MAOA: variants seen among roughly 807,000 people sequenced by gnomAD.
The protein encoded by MAOA is monoamine oxidase A.
A neutral mutation model predicts 42.0 loss-of-function variants in MAOA; 6 were observed. The observed-to-expected ratio is 0.14, with a 90% confidence interval of 0.08 to 0.28. The LOEUF is 0.28. MAOA is among the 10% of genes least tolerant of loss of function. The pLI is 1.00. For synonymous variants in MAOA, 140 were observed against 154.0 expected (o/e 0.91, Z 0.67); for missense variants, 262 against 422.3 (o/e 0.62, Z 3.33).
chrX:43,738,822 G>A (rs1425331124), intron 10 of MAOA, among the ~76,000 whole-genome samples: 9 of 111,392 alleles, frequency 8.1e-5, no homozygotes, highest in African/African-American at 2.9e-4. Flanking sequence ...CCCTATCTCA[G>A]AAATAATAAT....
intron 1 of MAOA, among the ~76,000 whole-genome samples, chrX:43,668,120 A>C (rs2033298160): frequency 8.9e-6 from 1 of 112,110 alleles, no homozygotes; most frequent in African/African-American, 3.2e-5. Context: ...CAACAGTGTA[A>C]GACAGAATCT....
intron 2 of MAOA, among the ~76,000 whole-genome samples, chrX:43,684,654 T>A (rs1394353918): frequency 1.8e-5 from 2 of 111,029 alleles, no homozygotes; most frequent in African/African-American, 6.6e-5. Context: ...AGACTAGGGA[T>A]TGAGAGTAAA....
chrX:43,671,663 C>T, intron 1 of MAOA, among the ~76,000 whole-genome samples: 1 of 100,385 alleles, frequency 1.0e-5, no homozygotes, highest in Non-Finnish European at 2.0e-5. Context: ...CTACATATGG[C>T]TAGCCAGTTT....
Position 43,744,037 on chromosome X carries a change from T to A in MAOA, c.1375-72T>A, listed in dbSNP as rs909861018. ...GCCCCTCACTCATGGGGCTCATCTG[T>A]GGCTAGCAGGGCCTTGAATCTGTAG... On this transcript the variant is annotated intron_variant, in intron 13 of 14. Transcript: ENST00000338702. 10 of 1,192,259 alleles carry A rather than the reference T, an allele frequency of 8.4e-6. No homozygotes were observed. In the African/African-American group the frequency reaches 1.6e-4, roughly 19 times the overall value.
At chrX:43,688,315 CTG>C (rs769359483) in intron 2 of MAOA, among the ~76,000 whole-genome samples, 23 of 111,766 alleles carry the variant, frequency 2.1e-4, no homozygotes, top group African/African-American at 7.2e-4. Context: ...GAGTCTCACT[CTG>C]TTGCCCAGGC....
At chrX:43,690,651 T>C (rs1296592784) in intron 2 of MAOA, among the ~76,000 whole-genome samples, 1 of 112,008 alleles carries the variant, frequency 8.9e-6, no homozygotes, top group Non-Finnish European at 1.9e-5. Context: ...AGTCTACTTC[T>C]ACCACCGTCC....
intron 10 of MAOA, 108 bp downstream of exon 10, chrX:43,736,388 T>C: frequency 2.0e-6 from 1 of 506,749 alleles, no homozygotes; most frequent in Non-Finnish European, 3.3e-6. Flanking sequence ...TCACAAATAT[T>C]CTCAAAATTC....
chrX:43,673,822 A>G (rs1222878612), intron 1 of MAOA, among the ~76,000 whole-genome samples: 1 of 111,742 alleles, frequency 8.9e-6, no homozygotes, highest in African/African-American at 3.3e-5. Flanking sequence ...AGTTTGTTAT[A>G]ATTTCTATTC....
At chrX:43,708,845 G>C (rs183739776) in intron 3 of MAOA, among the ~76,000 whole-genome samples, 13 of 106,909 alleles carry the variant, frequency 1.2e-4, no homozygotes, top group Non-Finnish European at 2.5e-4. Flanking sequence ...TGTATTTTTA[G>C]TAGAGACGGG....
chrX:43,701,881 G>C (rs1354460917), intron 3 of MAOA, among the ~76,000 whole-genome samples: 1 of 112,012 alleles, frequency 8.9e-6, no homozygotes, highest in Non-Finnish European at 1.9e-5. Context: ...GCCTCTCAGA[G>C]GTTAAAATCT....
At chrX:43,697,350 A>G (rs2033589011) in intron 3 of MAOA, among the ~76,000 whole-genome samples, 1 of 111,227 alleles carries the variant, frequency 9.0e-6, no homozygotes, top group Admixed American at 9.6e-5. Flanking sequence ...AGTGCTGGTG[A>G]CCATTTTGCT....
At chrX:43,685,154 A>G (rs2033477919) in intron 2 of MAOA, among the ~76,000 whole-genome samples, 1 of 110,873 alleles carries the variant, frequency 9.0e-6, no homozygotes, top group Non-Finnish European at 1.9e-5. Flanking sequence ...TGCTGGGATA[A>G]CAGGCATGAG....
rs1417037202 is a variant in MAOA, at chrX:43,736,243, A to C, written c.1069A>C (p.Lys357Gln). The C allele has an allele frequency of 8.3e-7, 1 of 1,198,431 alleles. No homozygotes were observed. Among genetic ancestry groups the C allele is most frequent in the Non-Finnish European group, 1.1e-6 (1 of 885,520 alleles). ...TCTCTCCAGCTTCATTCTTGCCCGG[A>C]AAGCTGATCGACTTGCTAAGCTACA... Reference protein sequence around the residue: ...PAIMGFILARKADRLAKLHKE... With the variant: ...PAIMGFILARQADRLAKLHKE... Residue 357 changes from lysine (K) to glutamine (Q), a missense_variant, in exon 10 of 15, where the codon AAA becomes CAA. Physicochemically the swap from Lys to Gln is moderately conservative, Grantham distance 53. Coordinates refer to ENST00000338702, the MANE Select transcript of MAOA (RefSeq NM_000240.4).
intron 3 of MAOA, among the ~76,000 whole-genome samples, chrX:43,707,738 G>A (rs890132679): frequency 4.5e-5 from 5 of 111,535 alleles, no homozygotes; most frequent in Admixed American, 9.5e-5. Context: ...GGACTAGAAG[G>A]GTCTCAAGGT....
At chrX:43,657,427 C>T (rs1160549979) in intron 1 of MAOA, among the ~76,000 whole-genome samples, 1 of 108,986 alleles carries the variant, frequency 9.2e-6, no homozygotes, top group Non-Finnish European at 1.9e-5. Context: ...AGAGCTCCCA[C>T]CACCTGAATC....
chrX:43,704,987 G>T (rs2033649042), intron 3 of MAOA, among the ~76,000 whole-genome samples: 1 of 111,972 alleles, frequency 8.9e-6, no homozygotes, highest in Non-Finnish European at 1.9e-5. Context: ...GGCATCCTGT[G>T]TTCATGGACT....
Position 43,746,689 on chromosome X carries a change from G to A in MAOA, c.*2176G>A, listed in dbSNP as rs1441520947. 1 of 112,294 alleles carries A rather than the reference G, an allele frequency of 8.9e-6. No individual in the cohort carries two copies. The highest frequency in any genetic ancestry group is 1.9e-5 in the Non-Finnish European group (1 of 53,347). 9.3% of individuals were successfully genotyped at this position (112,294 alleles called of 1,213,427 possible). ...TGTGATTGTGAACTTGGTGCCTAAT[G>A]TTCCATGTCTGAAGTTTGCCCCAGT... On this transcript the variant is annotated 3_prime_UTR_variant, in exon 15 of 15. Transcript: ENST00000338702.
At chrX:43,733,754 C>G (rs1261300913) in intron 9 of MAOA, among the ~76,000 whole-genome samples, 2 of 111,674 alleles carry the variant, frequency 1.8e-5, no homozygotes, top group African/African-American at 6.5e-5. Flanking sequence ...ATTACAAAGG[C>G]AAAAGGAGCA....
chrX:43,731,130 C>T (rs1275324691), intron 6 of MAOA, 111 bp from the exon 7 acceptor site: 28 of 716,321 alleles, frequency 3.9e-5, no homozygotes, highest in Admixed American at 4.7e-5. Flanking sequence ...AGTGTGCAGA[C>T]GTTAGAGGTG....
Sources: gnomAD v4.1 joint callset for allele counts (sites outside exome capture counted in the v4.1 genomes callset) on GRCh38, gnomAD v4.1.1 for gene constraint, MANE v1.5 for transcripts, NCBI Gene and HGNC (gene_info 2026-07-23, HGNC 2026-07-21) for gene names.